The following APAF1 variants were observed in gnomAD, a reference collection of about 807,000 sequenced individuals.
APAF1 encodes the protein apoptotic peptidase activating factor 1.
APAF1 carries 91 observed loss-of-function variants against 152.4 expected under a neutral mutation model. That is an observed-to-expected ratio of 0.60 (90% confidence interval 0.50 to 0.71). APAF1 has a LOEUF of 0.71. APAF1 is among the 30% of genes least tolerant of loss of function. The pLI, the probability that APAF1 is intolerant of heterozygous loss-of-function variation, is 0.00. For synonymous variants in APAF1, 484 were observed against 494.1 expected (o/e 0.98, Z 0.27); for missense variants, 1,283 against 1,472.0 (o/e 0.87, Z 2.10).
intron 10 of APAF1, among the ~76,000 whole-genome samples, chr12:98,668,979 A>C (rs550239651): frequency 1.3e-5 from 2 of 152,242 alleles, no homozygotes; most frequent in South Asian, 4.1e-4. Context: ...CATTTGGAAA[A>C]CCATATGTAC....
In APAF1 at chr12:98,665,809, C is replaced by A; in HGVS notation, c.1194+18C>A. On this transcript the variant is annotated intron_variant, in intron 8 of 26. Coordinates refer to ENST00000551964, the MANE Select transcript of APAF1 (RefSeq NM_181861.2). ...CTACAAAGGTAATGGGATCAATGAT[C>A]CTCATCATTGGGTATTTATTGCATG... 6.6e-7 allele frequency: 1 copy of A among 1,521,348 alleles called. No homozygotes were observed. The highest frequency in any genetic ancestry group is 9.1e-7 in the Non-Finnish European group (1 of 1,095,630). The allele number at this position is 1,521,348 out of a possible 1,614,324, so 94.2% of individuals were successfully genotyped here.
intron 17 of APAF1, among the ~76,000 whole-genome samples, chr12:98,700,121 A>G (rs1593084625): frequency 6.6e-6 from 1 of 152,196 alleles, no homozygotes; most frequent in Non-Finnish European, 1.5e-5. Context: ...TTTCTTCCCC[A>G]CATCTAATAG....
intron 26 of APAF1, among the ~76,000 whole-genome samples, chr12:98,728,742 C>A (rs899558934): frequency 2.6e-5 from 4 of 152,188 alleles, no homozygotes; most frequent in Middle Eastern, 3.4e-3. Flanking sequence ...AACAAAAAAA[C>A]CAAAAATAAA....
At chr12:98,693,489 CCT>C (rs2097706553) in intron 16 of APAF1, among the ~76,000 whole-genome samples, 2 of 149,460 alleles carry the variant, frequency 1.3e-5, no homozygotes, top group Admixed American at 1.3e-4. Context: ...GAATTTTTTT[CCT>C]CTCTCATTAG....
chr12:98,648,875 T>TTGTA, intron 3 of APAF1, 60 bp downstream of exon 3: 1 of 1,469,534 alleles, frequency 6.8e-7, no homozygotes, highest in Non-Finnish European at 9.5e-7. Flanking sequence ...GTTTGTCTTA[T>TTGTA]TGTAGATGTA....
At chr12:98,701,605 G>A (rs1354779369) in intron 17 of APAF1, among the ~76,000 whole-genome samples, 1 of 152,146 alleles carries the variant, frequency 6.6e-6, no homozygotes, top group Non-Finnish European at 1.5e-5. Context: ...CAATGATGTT[G>A]AACAAAAGAT....
rs767600058 is a variant in APAF1 at position 98,649,583 on chromosome 12, A to C, written c.425A>C (p.Lys142Thr). The change falls in exon 4 of 27, where the codon AAA becomes ACA. Residue 142 changes from lysine to threonine, a missense_variant. Lys to Thr is a moderately conservative substitution (Grantham distance 78). Coordinates refer to ENST00000551964, the MANE Select transcript of APAF1 (RefSeq NM_181861.2). ...AATGCAATTCAGCAGAAGCTCTCCAAATTGAAAGGTGAACCAGGATGGGTC... is the reference window on the plus strand; with the variant it reads ...AATGCAATTCAGCAGAAGCTCTCCACATTGAAAGGTGAACCAGGATGGGTC... ...LVNAIQQKLSKLKGEPGWVTI... is the reference protein window; with the variant it reads ...LVNAIQQKLSTLKGEPGWVTI... 2 of 1,614,114 alleles carry C rather than the reference A, an allele frequency of 1.2e-6. No individual in the cohort carries two copies. The highest frequency in any genetic ancestry group is 2.7e-5 in the African/African-American group (2 of 74,954).
rs2097750069 is a variant in APAF1, at chr12:98,726,056, G to C, written c.3456+516G>C. Among the ~76,000 whole-genome samples, 3 of 152,090 alleles carry C rather than the reference G, an allele frequency of 2.0e-5. No homozygotes were observed. The South Asian group carries it at 6.2e-4, about 31-fold the overall frequency. ...CAGAGGTTCACATTTCCGTCATTGT[G>C]GGGCAGCGAAGGGCTCCTAATTGAG... On this transcript the variant is annotated intron_variant, in intron 25 of 26. Transcript: ENST00000551964.
chr12:98,698,351 C>T (rs1397950977), intron 16 of APAF1, among the ~76,000 whole-genome samples: 1 of 152,070 alleles, frequency 6.6e-6, no homozygotes, highest in Non-Finnish European at 1.5e-5. Flanking sequence ...CTGTACCCAG[C>T]CTGATTTTCA....
intron 7 of APAF1, 80 bp downstream of exon 7, chr12:98,662,886 G>C: frequency 7.1e-7 from 1 of 1,414,808 alleles, no homozygotes. Context: ...AATGAATATG[G>C]TAATTTAGCA....
chr12:98,670,259 G>C (rs908259675), intron 10 of APAF1, among the ~76,000 whole-genome samples: 1 of 152,026 alleles, frequency 6.6e-6, no homozygotes, highest in Admixed American at 6.6e-5. Flanking sequence ...TAATATTCTT[G>C]TTACTCCTTT....
chr12:98,675,744 G>T (rs925199609), intron 12 of APAF1, among the ~76,000 whole-genome samples: 1 of 152,098 alleles, frequency 6.6e-6, no homozygotes, highest in African/African-American at 2.4e-5. Flanking sequence ...TATCTGTAGT[G>T]GGTCCTAGAA....
chr12:98,659,194 T>C lies in APAF1; in HGVS notation c.561T>C (p.Val187=), dbSNP rs772326353. 2.5e-5 allele frequency: 41 copies of C among 1,614,218 alleles called. No homozygotes were observed. The South Asian group carries it at 4.5e-4, about 18-fold the overall frequency. The change falls in exon 5 of 27, where the codon GTT becomes GTC. Residue 187 remains valine, a synonymous_variant. Coordinates refer to ENST00000551964, the MANE Select transcript of APAF1 (RefSeq NM_181861.2). ...CAGGGGGAGTGCATTGGGTTTCAGTTGGGAAACAAGACAAATCTGGGCTTC... is the reference window on the plus strand; with the variant it reads ...CAGGGGGAGTGCATTGGGTTTCAGTCGGGAAACAAGACAAATCTGGGCTTC... ...CFPGGVHWVS[V]GKQDKSGLLM...
intron 22 of APAF1, among the ~76,000 whole-genome samples, chr12:98,716,189 A>G (rs191982666): frequency 2.0e-5 from 3 of 152,316 alleles, no homozygotes; most frequent in African/African-American, 7.2e-5. Flanking sequence ...TCATGCCTCT[A>G]TATGGCATGC....
In APAF1 at chr12:98,722,943, T is replaced by C. The variant is rs544795967; in HGVS notation, c.3085-250T>C. Among the ~76,000 whole-genome samples the C allele has an allele frequency of 7.9e-5, 12 of 152,222 alleles. 1 individual carries two copies. The South Asian group carries it at 2.5e-3, about 32-fold the overall frequency. ...TATCTTCTGGTATAATTAACTGTTC[T>C]CCAAGCAACTGAAGAAAACAAATTT... is the stretch of plus-strand genomic sequence containing the variant. On this transcript the variant is annotated intron_variant, in intron 22 of 26. Transcript: ENST00000551964.
chr12:98,656,372 C>G (rs971593205), intron 4 of APAF1, among the ~76,000 whole-genome samples: 1 of 152,176 alleles, frequency 6.6e-6, no homozygotes, highest in Non-Finnish European at 1.5e-5. Flanking sequence ...TAACTGCAAA[C>G]TTACACTGAA....
intron 22 of APAF1, among the ~76,000 whole-genome samples, chr12:98,717,327 T>C (rs2097735953): frequency 6.6e-6 from 1 of 151,372 alleles, no homozygotes; most frequent in South Asian, 2.1e-4. Flanking sequence ...CAGGTAAATA[T>C]ATATAATATA....
intron 22 of APAF1, among the ~76,000 whole-genome samples, chr12:98,721,482 T>C (rs2097742694): frequency 6.6e-6 from 1 of 152,176 alleles, no homozygotes; most frequent in African/African-American, 2.4e-5. Context: ...AGTTTCCTAG[T>C]AGAAATGGAA....
At chr12:98,711,685 G>A (rs758365663) in intron 20 of APAF1, among the ~76,000 whole-genome samples, 1 of 152,216 alleles carries the variant, frequency 6.6e-6, no homozygotes, top group African/African-American at 2.4e-5. Flanking sequence ...ACATGTTTTA[G>A]ATGAGTGATA....
Sources: gnomAD v4.1 joint callset for allele counts (sites outside exome capture counted in the v4.1 genomes callset) on GRCh38, gnomAD v4.1.1 for gene constraint, MANE v1.5 for transcripts, NCBI Gene and HGNC (gene_info 2026-07-23, HGNC 2026-07-21) for gene names.